The following CDC42 variants were observed in gnomAD, a reference collection of about 807,000 sequenced individuals.
CDC42 encodes the protein cell division cycle 42.
A neutral mutation model predicts 20.8 loss-of-function variants in CDC42; 1 was observed. The ratio of observed to expected loss-of-function variants is 0.05; its 90% CI spans 0.02 to 0.23. CDC42 has a LOEUF of 0.23. Among genes scored for constraint, CDC42 ranks in the 10% least tolerant of loss-of-function variants. The pLI is 1.00. For synonymous variants in CDC42, 72 were observed against 84.8 expected, an observed-to-expected ratio of 0.85 and a Z score of 0.83; for missense variants, 49 against 227.9, an observed-to-expected ratio of 0.21 and a Z score of 5.05.
intron 1 of CDC42, chr1:22,053,445 A>C (rs1220938733): frequency 6.6e-6 from 1 of 152,054 alleles, no homozygotes; most frequent in Non-Finnish European, 1.5e-5. Context: ...TCGAGTTCCT[A>C]GCATTTCCAT....
intron 5 of CDC42, among the ~76,000 whole-genome samples, chr1:22,088,336 G>C (rs775579868): frequency 6.6e-5 from 10 of 152,176 alleles, no homozygotes; most frequent in African/African-American, 2.4e-5. Flanking sequence ...TTCACTTTTA[G>C]GTTACTAGTG....
In CDC42 at chr1:22,091,800, T is replaced by TTTG. The variant is rs1645719959; in HGVS notation, c.*285_*286insGTT. On this transcript the variant is annotated 3_prime_UTR_variant, in exon 6 of 6. Transcript: ENST00000656825. ...AAATTTTTGTGTGTGTGTGTTTTTT[T>TTTG]TTTTTTTTTTTTTGTTGTTTAAAAG... is the stretch of plus-strand genomic sequence containing the variant. The TTTG allele has an allele frequency of 4.8e-6, 1 of 208,354 alleles. No homozygotes were observed. Among genetic ancestry groups the TTTG allele is most frequent in the African/African-American group, 2.4e-5 (1 of 40,918 alleles). 12.9% of individuals were successfully genotyped at this position (208,354 alleles called of 1,614,324 possible).
intron 1 of CDC42, among the ~76,000 whole-genome samples, chr1:22,060,457 A>G (rs762471993): frequency 5.5e-4 from 83 of 152,234 alleles, no homozygotes; most frequent in Non-Finnish European, 1.1e-3. Context: ...GAGGTGGAAT[A>G]AAAGAATATT....
intron 1 of CDC42, among the ~76,000 whole-genome samples, chr1:22,076,305 A>G (rs1221228740): frequency 6.6e-6 from 1 of 152,086 alleles, no homozygotes; most frequent in Admixed American, 6.6e-5. Flanking sequence ...ATTAAATACA[A>G]ACATTATCCA....
At position 22,099,852 on chromosome 1, in the gene CDC42, C is replaced by T. The variant is rs557286137; in HGVS notation, c.*8335C>T. The stretch of plus-strand genomic sequence containing the variant: ...TTAACTCAGTCTTCTCAGCAATCCC[C>T]CATTTTTTCATATGTGGAAACTGAG... On this transcript the variant is annotated 3_prime_UTR_variant, in exon 6 of 6. Transcript: ENST00000656825. Among the ~76,000 whole-genome samples, 5 of 151,524 alleles carry T rather than the reference C, an allele frequency of 3.3e-5. No homozygotes were observed. The highest frequency in any genetic ancestry group is 1.2e-4 in the African/African-American group (5 of 41,276).
At chr1:22,053,535 C>G (rs771014951) in intron 1 of CDC42, 3 of 152,232 alleles carry the variant, frequency 2.0e-5, no homozygotes, top group African/African-American at 7.2e-5. Context: ...CCGAAGCCGT[C>G]GTTCTGCTGC....
At chr1:22,053,092 A>AGCCCG (rs1231124128) in intron 1 of CDC42, among the ~76,000 whole-genome samples, 2 of 150,878 alleles carry the variant, frequency 1.3e-5, no homozygotes, top group Non-Finnish European at 3.0e-5. Context: ...CCCTCCCCCC[A>AGCCCG]GCCCGGCCCG....
chr1:22,058,814 T>A (rs929808492), intron 1 of CDC42, among the ~76,000 whole-genome samples: 12 of 151,988 alleles, frequency 7.9e-5, no homozygotes, highest in African/African-American at 2.7e-4. Context: ...ACGTATTTTT[T>A]AATTTTATTT....
intron 1 of CDC42, among the ~76,000 whole-genome samples, chr1:22,058,576 G>C (rs758120805): frequency 6.7e-6 from 1 of 150,252 alleles, no homozygotes; most frequent in Non-Finnish European, 1.5e-5. Context: ...TCCACCTCCC[G>C]GGTTCAAGTG....
chr1:22,069,177 T>C (rs1645455948), intron 1 of CDC42, among the ~76,000 whole-genome samples: 2 of 142,706 alleles, frequency 1.4e-5, no homozygotes, highest in Admixed American at 1.4e-4. Flanking sequence ...TTCCTTTTTT[T>C]TTTTTTTTTT....
Position 22,092,116 on chromosome 1 carries a change from T to C in CDC42, c.*599T>C, listed in dbSNP as rs1451071234. 1 of 152,548 alleles carries C rather than the reference T, an allele frequency of 6.6e-6. No individual in the cohort carries two copies. Among genetic ancestry groups the C allele is most frequent in the Admixed American group, 6.5e-5 (1 of 15,272 alleles). 9.4% of individuals were successfully genotyped at this position (152,548 alleles called of 1,614,324 possible). On this transcript the variant is annotated 3_prime_UTR_variant, in exon 6 of 6. Coordinates refer to ENST00000656825, the MANE Select transcript of CDC42 (RefSeq NM_001791.4). ...CATCTGGTGCTCTTAGGAAGGAGTATAGTAAATGCCTCATTTAATAACATA... is the reference window on the plus strand; with the variant it reads ...CATCTGGTGCTCTTAGGAAGGAGTACAGTAAATGCCTCATTTAATAACATA...
intron 1 of CDC42, among the ~76,000 whole-genome samples, chr1:22,074,559 G>A (rs919148305): frequency 2.0e-5 from 3 of 151,966 alleles, no homozygotes; most frequent in African/African-American, 7.3e-5. Flanking sequence ...AATCTGTGGA[G>A]TATCTGGTGA....
rs927464718 is a variant in CDC42 at position 22,099,854 on chromosome 1, A to G, written c.*8337A>G. Among the ~76,000 whole-genome samples the G allele has an allele frequency of 1.9e-4, 28 of 151,128 alleles. No homozygotes were observed. The highest frequency in any genetic ancestry group is 6.6e-4 in the African/African-American group (27 of 41,144). On this transcript the variant is annotated 3_prime_UTR_variant, in exon 6 of 6. Coordinates refer to ENST00000656825, the MANE Select transcript of CDC42 (RefSeq NM_001791.4). Reference sequence around the variant, plus strand: ...AACTCAGTCTTCTCAGCAATCCCCCATTTTTTCATATGTGGAAACTGAGGC... The same window carrying G: ...AACTCAGTCTTCTCAGCAATCCCCCGTTTTTTCATATGTGGAAACTGAGGC...
intron 1 of CDC42, among the ~76,000 whole-genome samples, chr1:22,055,669 T>A (rs1251435863): frequency 6.6e-6 from 1 of 151,874 alleles, no homozygotes; most frequent in African/African-American, 2.4e-5. Flanking sequence ...TGGTATCTTT[T>A]GTAGAGATCG....
intron 1 of CDC42, among the ~76,000 whole-genome samples, chr1:22,062,555 G>T (rs1401441103): frequency 6.6e-6 from 1 of 151,708 alleles, no homozygotes; most frequent in African/African-American, 2.4e-5. Flanking sequence ...TGTCTTTTTG[G>T]TGCATGTATA....
At chr1:22,073,285 C>T (rs1002979782) in intron 1 of CDC42, among the ~76,000 whole-genome samples, 2 of 152,126 alleles carry the variant, frequency 1.3e-5, no homozygotes, top group South Asian at 2.1e-4. Context: ...GCCTGTAATC[C>T]CAGCACTTTG....
At chr1:22,085,392 T>C (rs1019361845) in intron 3 of CDC42, among the ~76,000 whole-genome samples, 1 of 152,082 alleles carries the variant, frequency 6.6e-6, no homozygotes, top group African/African-American at 2.4e-5. Context: ...GAAATGGGAG[T>C]GCTTCAGCTT....
intron 5 of CDC42, among the ~76,000 whole-genome samples, chr1:22,087,110 G>A (rs1029930365): frequency 6.6e-6 from 1 of 152,146 alleles, no homozygotes; most frequent in East Asian, 1.9e-4. Context: ...AGTGGTCAGG[G>A]TTGTGTTAAA....
At chr1:22,060,666 A>G (rs1376826414) in intron 1 of CDC42, among the ~76,000 whole-genome samples, 2 of 152,328 alleles carry the variant, frequency 1.3e-5, no homozygotes, top group Non-Finnish European at 2.9e-5. Flanking sequence ...CTTGAATAAC[A>G]CTTATCTCTG....
Sources: allele counts gnomAD v4.1 joint callset (sites outside exome capture counted in the v4.1 genomes callset), GRCh38; gene constraint gnomAD v4.1.1; transcripts MANE v1.5; gene names NCBI Gene and HGNC (gene_info 2026-07-23, HGNC 2026-07-21).